Variants in MLLT1 observed in about 807,000 individuals in gnomAD.
MLLT1 encodes the protein MLLT1 super elongation complex subunit.
In MLLT1, 11 loss-of-function variants were observed where a neutral mutation model predicts 55.1. The observed-to-expected ratio is 0.20, with a 90% CI of 0.13 to 0.33. The LOEUF (loss-of-function observed/expected upper bound fraction) is 0.33, where lower values mean the gene tolerates loss of function less well. Ranked by LOEUF, MLLT1 falls within the 10% of genes least tolerant of loss-of-function variation. The pLI is 1.00. For synonymous variants in MLLT1, 323 were observed against 320.1 expected (o/e 1.01, Z -0.10); for missense variants, 536 against 760.6 (o/e 0.70, Z 3.47).
rs1329626183 is a variant in MLLT1 at position 6,256,979 on chromosome 19, T to G, written c.276+5249A>C. On this transcript the variant is annotated intron_variant, in intron 3 of 11. Coordinates refer to ENST00000252674, the MANE Select transcript of MLLT1 (RefSeq NM_005934.4). The surrounding 1 kb of genome is among the most constrained non-coding windows in gnomAD (Gnocchi z 4.1). Reference sequence around the variant, plus strand: ...GTGCTGGGACACCTGGAAAACCACATGCAAAAGAATACTGTTAGACCCCCA... The same window carrying G: ...GTGCTGGGACACCTGGAAAACCACAGGCAAAAGAATACTGTTAGACCCCCA... Among the ~76,000 whole-genome samples, 2 of 152,148 alleles carry G rather than the reference T, an allele frequency of 1.3e-5. No homozygotes were observed. The highest frequency in any genetic ancestry group is 1.3e-4 in the Admixed American group (2 of 15,276).
rs1199143502 is a variant in MLLT1 at position 6,229,532 on chromosome 19, C to T, written c.420+1038G>A. Among the ~76,000 whole-genome samples, 1 of 151,884 alleles carries T rather than the reference C, an allele frequency of 6.6e-6. No homozygotes were observed. The highest frequency in any genetic ancestry group is 1.5e-5 in the Non-Finnish European group (1 of 67,956). ...ACACGTCATACATGCCACATACACA[C>T]CTGACACATTCACATACTCCCCATA... is the stretch of plus-strand genomic sequence containing the variant. On this transcript the variant is annotated intron_variant, in intron 4 of 11. Transcript: ENST00000252674. The surrounding 1 kb of genome is among the most constrained non-coding windows in gnomAD (Gnocchi z 5.2).
In MLLT1 at chr19:6,273,703, T is replaced by C. The variant is rs1368794034; in HGVS notation, c.13-2944A>G. Among the ~76,000 whole-genome samples, 1 of 152,138 alleles carries C rather than the reference T, an allele frequency of 6.6e-6. No individual in the cohort carries two copies. Among genetic ancestry groups the C allele is most frequent in the African/African-American group, 2.4e-5 (1 of 41,420 alleles). On this transcript the variant is annotated intron_variant, in intron 1 of 11. Transcript: ENST00000252674. This position sits in a 1 kb window ranked among gnomAD's most constrained non-coding sequence, Gnocchi z 4.3. ...GAGCATTACAGGTGAAAACTAAATG[T>C]ACATATACATCATGGGAACAGCACC...
At chr19:6,237,891 T>C (rs1165869101) in intron 3 of MLLT1, among the ~76,000 whole-genome samples, 3 of 151,612 alleles carry the variant, frequency 2.0e-5, no homozygotes, top group Non-Finnish European at 4.4e-5. Flanking sequence ...CGCTTTGAGG[T>C]CGGAAGTTTG....
chr19:6,213,919 C>G lies in MLLT1; in HGVS notation c.1407+20G>C. 2.0e-6 allele frequency: 3 copies of G among 1,467,484 alleles called. No individual in the cohort carries two copies. The highest frequency in any genetic ancestry group is 2.7e-6 in the Non-Finnish European group (3 of 1,094,238). 90.9% of individuals were successfully genotyped at this position (1,467,484 alleles called of 1,614,324 possible). A position where few individuals can be genotyped will look rare whatever the true frequency, so the allele number is the denominator to read the frequency against. ...AGCCCGGCCTCTGGTGCACCCCCTG[C>G]CTGCAGGCCCCAGGCTCACCTTGCT... On this transcript the variant is annotated intron_variant, in intron 9 of 11. Transcript: ENST00000252674.
chr19:6,236,526 C>T (rs111946663), intron 3 of MLLT1, among the ~76,000 whole-genome samples: 3,157 of 152,220 alleles, frequency 0.021, 41 homozygotes, highest in Middle Eastern at 0.051. Context: ...GGGGCAGCAC[C>T]GAAAAGCAAG....
chr19:6,265,049 CAAAAAAACAA>C lies in MLLT1; in HGVS notation c.194-2749_194-2740del, dbSNP rs1273356299. On this transcript the variant is annotated intron_variant, in intron 2 of 11. Transcript: ENST00000252674. ...AACATAGTGAACAGCAAAAAAAAAA[CAAAAAAACAA>C]AAAAACAAAAAAAAACATGATGTCA... Among the ~76,000 whole-genome samples the C allele has an allele frequency of 6.4e-4, 15 of 23,296 alleles. 1 individual carries two copies. In the East Asian group the frequency reaches 7.1e-3, roughly 11 times the overall value. The allele number at this position is 23,296 out of a possible 152,430, so 15.3% of individuals were successfully genotyped here.
intron 7 of MLLT1, 41 bp downstream of exon 7, chr19:6,217,913 C>T: frequency 6.4e-7 from 1 of 1,570,738 alleles, no homozygotes; most frequent in South Asian, 1.2e-5. Flanking sequence ...CCAGGCCCTC[C>T]CCGGCCCCAT....
chr19:6,244,966 C>G (rs2091152988), intron 3 of MLLT1, among the ~76,000 whole-genome samples: 1 of 152,094 alleles, frequency 6.6e-6, no homozygotes, highest in Non-Finnish European at 1.5e-5. Flanking sequence ...GTAGAAAAAT[C>G]AGAACCCTCA....
intron 3 of MLLT1, among the ~76,000 whole-genome samples, chr19:6,244,882 C>T (rs1355157744): frequency 2.6e-5 from 4 of 152,136 alleles, no homozygotes; most frequent in African/African-American, 7.2e-5. Context: ...CAAAACCTAA[C>T]CAGGTACCAC....
At chr19:6,237,854 C>A (rs915261255) in intron 3 of MLLT1, among the ~76,000 whole-genome samples, 1 of 151,860 alleles carries the variant, frequency 6.6e-6, no homozygotes, top group Non-Finnish European at 1.5e-5. Flanking sequence ...GCAATCCCGG[C>A]ACTTTGGGAG....
At chr19:6,251,769 C>CAA (rs11307954) in intron 3 of MLLT1, among the ~76,000 whole-genome samples, 2 of 141,970 alleles carry the variant, frequency 1.4e-5, no homozygotes, top group Non-Finnish European at 1.5e-5. Flanking sequence ...TACCTCCCAC[C>CAA]AAAAAAAAAA....
At chr19:6,274,996 G>A (rs1033414011) in intron 1 of MLLT1, among the ~76,000 whole-genome samples, 2 of 152,226 alleles carry the variant, frequency 1.3e-5, no homozygotes, top group Non-Finnish European at 2.9e-5. Flanking sequence ...TCAACGCAGC[G>A]TGCGGTTCTC....
chr19:6,214,118 C>T, intron 8 of MLLT1, 80 bp from the exon 9 acceptor site: 2 of 899,418 alleles, frequency 2.2e-6, no homozygotes, highest in Non-Finnish European at 3.1e-6. Flanking sequence ...AGCCTCTGCC[C>T]CGCACGGAGT....
chr19:6,269,930 C>A (rs1248350121), intron 2 of MLLT1, among the ~76,000 whole-genome samples: 2 of 152,204 alleles, frequency 1.3e-5, no homozygotes, highest in African/African-American at 2.4e-5. Context: ...TGGCGCTCAC[C>A]AGACCACCAC....
chr19:6,227,202 GA>G lies in MLLT1; in HGVS notation c.421-101del. On this transcript the variant is annotated intron_variant, in intron 4 of 11. Coordinates refer to ENST00000252674, the MANE Select transcript of MLLT1 (RefSeq NM_005934.4). This position sits in a 1 kb window ranked among gnomAD's most constrained non-coding sequence, Gnocchi z 5.1. Reference sequence around the variant, plus strand: ...TGGGGCTTCCCTCTGCAGGAGGGGAGAAGGGAGAGCCTGAGCGCTTTCCCGA... The same window carrying G: ...TGGGGCTTCCCTCTGCAGGAGGGGAGAGGGAGAGCCTGAGCGCTTTCCCGA... The G allele has an allele frequency of 1.5e-6, 2 of 1,292,552 alleles. No individual in the cohort carries two copies. Among genetic ancestry groups the G allele is most frequent in the Non-Finnish European group, 2.1e-6 (2 of 946,782 alleles). 80.1% of individuals were successfully genotyped at this position (1,292,552 alleles called of 1,614,324 possible). A position where few individuals can be genotyped will look rare whatever the true frequency, so the allele number is the denominator to read the frequency against.
At chr19:6,223,452 G>A (rs1349964368) in intron 5 of MLLT1, among the ~76,000 whole-genome samples, 1 of 152,194 alleles carries the variant, frequency 6.6e-6, no homozygotes, top group Non-Finnish European at 1.5e-5. Context: ...GAGGACAGAG[G>A]TAAGATGATG....
At chr19:6,214,845 C>T (rs1294757722) in intron 8 of MLLT1, among the ~76,000 whole-genome samples, 2 of 152,192 alleles carry the variant, frequency 1.3e-5, no homozygotes, top group Non-Finnish European at 2.9e-5. Context: ...TCGAGCACAC[C>T]GGACTTCCCG....
intron 3 of MLLT1, chr19:6,259,619 C>G (rs2091285628): frequency 6.6e-6 from 1 of 152,118 alleles, no homozygotes; most frequent in Admixed American, 6.5e-5. Flanking sequence ...CCTCTACAAC[C>G]ACCCCAGGAA....
In MLLT1 at chr19:6,270,969, G is replaced by T. The variant is rs578079998; in HGVS notation, c.13-210C>A. ...CCCTCCGTACTCCCACACAGACCCCGTGTCTCCTCTCATCCACCGCCTCAT... is the reference window on the plus strand; with the variant it reads ...CCCTCCGTACTCCCACACAGACCCCTTGTCTCCTCTCATCCACCGCCTCAT... On this transcript the variant is annotated intron_variant, in intron 1 of 11. Transcript: ENST00000252674. This position sits in a 1 kb window ranked among gnomAD's most constrained non-coding sequence, Gnocchi z 7.1. Among the ~76,000 whole-genome samples the T allele has an allele frequency of 1.3e-5, 2 of 152,110 alleles. No individual in the cohort carries two copies. Among genetic ancestry groups the T allele is most frequent in the South Asian group, 4.2e-4 (2 of 4,812 alleles).
Sources: allele counts gnomAD v4.1 joint callset (sites outside exome capture counted in the v4.1 genomes callset), GRCh38; gene constraint gnomAD v4.1.1; non-coding constraint Gnocchi (gnomAD v3.1); transcripts MANE v1.5; gene names NCBI Gene and HGNC (gene_info 2026-07-23, HGNC 2026-07-21).